Variants in ADGRB3 observed in about 807,000 individuals in gnomAD.
The protein encoded by ADGRB3 is adhesion G protein-coupled receptor B3.
ADGRB3 carries 37 observed loss-of-function variants against 193.4 expected under a neutral mutation model. That is an observed-to-expected ratio of 0.19 (90% confidence interval 0.15 to 0.25). ADGRB3 has a LOEUF of 0.25. ADGRB3 is among the 10% of genes least tolerant of loss of function. The probability of loss-of-function intolerance (pLI) is 1.00; values close to 1 mark genes in which losing one functional copy is unlikely to be tolerated. For synonymous variants in ADGRB3, 690 were observed against 644.2 expected (o/e 1.07, Z -1.08); for missense variants, 1,637 against 1,852.9 (o/e 0.88, Z 2.14).
chr6:69,335,678 G>A (rs946845275), intron 24 of ADGRB3, among the ~76,000 whole-genome samples: 1 of 152,000 alleles, frequency 6.6e-6, no homozygotes, highest in Non-Finnish European at 1.5e-5. Flanking sequence ...CAGTGAAGAA[G>A]AAATAATCAA....
chr6:68,835,813 G>A (rs1408777468), intron 3 of ADGRB3, among the ~76,000 whole-genome samples: 2 of 151,806 alleles, frequency 1.3e-5, no homozygotes, highest in Non-Finnish European at 2.9e-5. Context: ...TTTGATTTTG[G>A]TTAAAAGCAG....
intron 3 of ADGRB3, among the ~76,000 whole-genome samples, chr6:68,819,086 T>C (rs1311237376): frequency 2.6e-5 from 4 of 152,082 alleles, no homozygotes; most frequent in African/African-American, 9.7e-5. Flanking sequence ...CAGCCTTTAG[T>C]ATATAAATAC....
At chr6:68,691,602 T>C (rs1360633906) in intron 3 of ADGRB3, among the ~76,000 whole-genome samples, 2 of 152,048 alleles carry the variant, frequency 1.3e-5, no homozygotes, top group Non-Finnish European at 2.9e-5. Context: ...GTTGTCACTA[T>C]CTTAACCAAC....
chr6:69,000,402 A>T (rs920906045), intron 11 of ADGRB3, among the ~76,000 whole-genome samples: 1 of 152,196 alleles, frequency 6.6e-6, no homozygotes, highest in Non-Finnish European at 1.5e-5. Context: ...AATACACCTT[A>T]TTTAATGTAT....
rs545502461 is a variant in ADGRB3 at position 69,255,482 on chromosome 6, G to GT, written c.2814+16262dup. ...AGTGATGGTGAGCATTTTTTCATGT[G>GT]TTTTTTGGCTGCATAAATGTCTTGA... On this transcript the variant is annotated intron_variant, in intron 20 of 31. Transcript: ENST00000370598. Among the ~76,000 whole-genome samples the GT allele has an allele frequency of 3.2e-3, 491 of 152,218 alleles. 1 individual carries two copies. The highest frequency in any genetic ancestry group is 0.011 in the African/African-American group (464 of 41,540).
At chr6:69,109,579 A>T (rs1298661871) in intron 17 of ADGRB3, among the ~76,000 whole-genome samples, 3 of 152,222 alleles carry the variant, frequency 2.0e-5, no homozygotes, top group Non-Finnish European at 4.4e-5. Context: ...TTTACAAATG[A>T]GAAAATTAGC....
chr6:69,314,690 G>A (rs1253539761), intron 20 of ADGRB3, among the ~76,000 whole-genome samples: 5 of 151,556 alleles, frequency 3.3e-5, no homozygotes, highest in Non-Finnish European at 5.9e-5. Context: ...GAAAGCATGG[G>A]CCAAGTACTT....
At chr6:68,702,342 C>T (rs990714237) in intron 3 of ADGRB3, among the ~76,000 whole-genome samples, 8 of 151,890 alleles carry the variant, frequency 5.3e-5, no homozygotes, top group Non-Finnish European at 1.2e-4. Context: ...GAAATCTGTC[C>T]CCATGATCCA....
At chr6:68,865,244 A>AT (rs11356253) in intron 3 of ADGRB3, among the ~76,000 whole-genome samples, 14 of 151,760 alleles carry the variant, frequency 9.2e-5, no homozygotes, top group African/African-American at 2.7e-4. Flanking sequence ...TATAATATAC[A>AT]TTTTTTTTCT....
At chr6:68,920,268 A>G (rs1766998319) in intron 3 of ADGRB3, among the ~76,000 whole-genome samples, 3 of 152,110 alleles carry the variant, frequency 2.0e-5, no homozygotes, top group Admixed American at 2.0e-4. Flanking sequence ...CTGTAATCCT[A>G]TCACTTTGGG....
Position 68,639,275 on chromosome 6 carries a change from G to A in ADGRB3, c.600G>A (p.Gln200=). ...GIMYTKCTCP[Q]HLGEWGIDDQ... The stretch of plus-strand genomic sequence containing the variant: ...TGTATACAAAATGCACCTGCCCTCA[G>A]CATTTGGGAGAGTGGGGGATCGACG... The change falls in exon 3 of 32, where the codon CAG becomes CAA. Residue 200 remains glutamine (Q), a synonymous_variant. Coordinates refer to ENST00000370598, the MANE Select transcript of ADGRB3 (RefSeq NM_001704.3). The A allele has an allele frequency of 6.2e-7, 1 of 1,614,136 alleles. No homozygotes were observed. Among genetic ancestry groups the A allele is most frequent in the Non-Finnish European group, 8.5e-7 (1 of 1,180,034 alleles).
intron 29 of ADGRB3, among the ~76,000 whole-genome samples, chr6:69,370,584 C>T (rs950235445): frequency 6.6e-6 from 1 of 152,082 alleles, no homozygotes; most frequent in Admixed American, 6.6e-5. Flanking sequence ...CATTTTCCTT[C>T]CATATTTCAC....
intron 3 of ADGRB3, among the ~76,000 whole-genome samples, chr6:68,816,928 C>T (rs1038692754): frequency 6.6e-6 from 1 of 151,990 alleles, no homozygotes; most frequent in African/African-American, 2.4e-5. Flanking sequence ...ATTCTCCCAA[C>T]TATTACTTGG....
chr6:68,815,917 A>G (rs1767624355), intron 3 of ADGRB3, among the ~76,000 whole-genome samples: 1 of 152,084 alleles, frequency 6.6e-6, no homozygotes, highest in Non-Finnish European at 1.5e-5. Context: ...ATCTTAAATG[A>G]AAATCCTCAG....
At chr6:69,381,599 T>G (rs993783422) in intron 30 of ADGRB3, among the ~76,000 whole-genome samples, 12 of 151,978 alleles carry the variant, frequency 7.9e-5, no homozygotes, top group Non-Finnish European at 1.8e-4. Flanking sequence ...AAGATTCAGT[T>G]GTTTTTGTCT....
At chr6:69,244,082 T>A (rs1766439173) in intron 20 of ADGRB3, among the ~76,000 whole-genome samples, 1 of 152,012 alleles carries the variant, frequency 6.6e-6, no homozygotes. Flanking sequence ...TAGCATTATT[T>A]AGGAGGAAAT....
At chr6:69,308,319 G>T (rs1277606937) in intron 20 of ADGRB3, among the ~76,000 whole-genome samples, 1 of 151,408 alleles carries the variant, frequency 6.6e-6, no homozygotes, top group African/African-American at 2.4e-5. Flanking sequence ...GAGGTACTAG[G>T]TATTAAATAC....
intron 20 of ADGRB3, among the ~76,000 whole-genome samples, chr6:69,260,983 A>G (rs1766911789): frequency 6.6e-6 from 1 of 152,164 alleles, no homozygotes; most frequent in Non-Finnish European, 1.5e-5. Flanking sequence ...TTCTCAGTAA[A>G]TACAATGAAG....
intron 17 of ADGRB3, among the ~76,000 whole-genome samples, chr6:69,107,075 A>C (rs560864046): frequency 6.6e-6 from 1 of 152,192 alleles, no homozygotes; most frequent in South Asian, 2.1e-4. Flanking sequence ...TTTAATAACT[A>C]TCTTCCAAAA....
Sources: gnomAD v4.1 joint callset for allele counts (sites outside exome capture counted in the v4.1 genomes callset) on GRCh38, gnomAD v4.1.1 for gene constraint, MANE v1.5 for transcripts, NCBI Gene and HGNC (gene_info 2026-07-23, HGNC 2026-07-21) for gene names.